RASGRF1: variants seen among roughly 807,000 people sequenced by gnomAD.
RASGRF1 encodes the protein ras-specific guanine nucleotide-releasing factor 1.
Under a neutral mutation model 138.7 loss-of-function variants are expected in RASGRF1, and 40 were observed. That is an observed-to-expected ratio of 0.29 (90% CI 0.22 to 0.38). The LOEUF (loss-of-function observed/expected upper bound fraction) is 0.38, where lower values mean the gene tolerates loss of function less well. Ranked by LOEUF, RASGRF1 falls within the 10% of genes least tolerant of loss-of-function variation. RASGRF1 has a pLI of 1.00. For synonymous variants in RASGRF1, 614 were observed against 663.2 expected (o/e 0.93, Z 1.14); for missense variants, 1,108 against 1,650.4 (o/e 0.67, Z 5.69).
chr15:79,077,284 T>C (rs2057845668), intron 1 of RASGRF1, among the ~76,000 whole-genome samples: 1 of 152,200 alleles, frequency 6.6e-6, no homozygotes, highest in African/African-American at 2.4e-5. Context: ...CCTTGGGGTC[T>C]TCAACACACC....
At chr15:79,018,016 A>C in intron 11 of RASGRF1, 110 bp from the exon 12 acceptor site, 1 of 1,324,302 alleles carries the variant, frequency 7.6e-7, no homozygotes, top group Non-Finnish European at 1.0e-6. Flanking sequence ...TGCGTTGGTA[A>C]GGCACCAGGC....
chr15:78,983,739 C>T (rs889145082), intron 23 of RASGRF1, among the ~76,000 whole-genome samples: 1 of 152,254 alleles, frequency 6.6e-6, no homozygotes, highest in Admixed American at 6.5e-5. Context: ...GAGTTCATGA[C>T]AGCATGTACC....
chr15:78,989,887 C>CA (rs1189383138), intron 22 of RASGRF1, among the ~76,000 whole-genome samples: 1 of 152,206 alleles, frequency 6.6e-6, no homozygotes, highest in Non-Finnish European at 1.5e-5. Flanking sequence ...GAGTAACCCC[C>CA]ACTTAGGAAT....
chr15:79,035,513 G>A (rs1473582487), intron 5 of RASGRF1, among the ~76,000 whole-genome samples: 1 of 152,246 alleles, frequency 6.6e-6, no homozygotes, highest in African/African-American at 2.4e-5. Context: ...CAGAGGGCAG[G>A]GAGCTGCTCT....
intron 19 of RASGRF1, 115 bp from the exon 20 acceptor site, chr15:78,995,915 C>A: frequency 1.0e-6 from 1 of 968,654 alleles, no homozygotes. Context: ...TCGTCATCCC[C>A]ATTGCCAGGA....
chr15:79,016,430 A>G (rs1433278652), intron 12 of RASGRF1, among the ~76,000 whole-genome samples: 1 of 152,218 alleles, frequency 6.6e-6, no homozygotes, highest in African/African-American at 2.4e-5. Context: ...CAAAACAAAG[A>G]AGACTTGGCC....
intron 24 of RASGRF1, among the ~76,000 whole-genome samples, chr15:78,976,161 G>A (rs568814795): frequency 2.0e-5 from 3 of 152,122 alleles, no homozygotes; most frequent in South Asian, 2.1e-4. Flanking sequence ...ACTGAGGGTC[G>A]ACTTCCCCTG....
chr15:79,009,956 CT>C (rs2056761004), intron 13 of RASGRF1, among the ~76,000 whole-genome samples: 1 of 151,760 alleles, frequency 6.6e-6, no homozygotes, highest in South Asian at 2.1e-4. Context: ...AACTCCTGAC[CT>C]TGTGATCTGC....
Position 79,058,376 on chromosome 15 carries a change from C to T in RASGRF1, c.489G>A (p.Gln163=), listed in dbSNP as rs1595948753. The T allele has an allele frequency of 6.2e-7, 1 of 1,614,036 alleles. No individual in the cohort carries two copies. The highest frequency in any genetic ancestry group is 1.7e-5 in the Admixed American group (1 of 60,010). The stretch of plus-strand genomic sequence containing the variant: ...CGATCTCGATCTCCCCATCCTCGAT[C>T]TGCTGCCGAAGCTGCTTGGCCACGG... The part of the protein sequence containing the change: ...EKTVAKQLRQ[Q]IEDGEIEIER... The change falls in exon 3 of 27, where the codon CAG becomes CAA. Residue 163 remains glutamine (Q), a synonymous_variant. Coordinates refer to ENST00000558480, the MANE Select transcript of RASGRF1 (RefSeq NM_001145648.3).
intron 13 of RASGRF1, among the ~76,000 whole-genome samples, chr15:79,012,692 C>T (rs1463129861): frequency 6.6e-6 from 1 of 151,856 alleles, no homozygotes; most frequent in African/African-American, 2.4e-5. Flanking sequence ...CGCACTCTCT[C>T]TTTTTTTTGA....
rs149567914 is a variant in RASGRF1, at chr15:79,070,321, C to T, written c.277-5795G>A. On this transcript the variant is annotated intron_variant, in intron 1 of 26. Coordinates refer to ENST00000558480, the MANE Select transcript of RASGRF1 (RefSeq NM_001145648.3). ...GCCCCTACCTGGGCAGCTCCCCTGA[C>T]GGGGACAGAGCATATAACTGGGAAA... Among the ~76,000 whole-genome samples, 300 of 152,264 alleles carry T rather than the reference C, an allele frequency of 2.0e-3. 1 individual carries two copies. Among genetic ancestry groups the T allele is most frequent in the Non-Finnish European group, 3.0e-3 (202 of 68,022 alleles).
At chr15:79,024,370 TACAC>T (rs968199031) in intron 10 of RASGRF1, among the ~76,000 whole-genome samples, 48 of 150,240 alleles carry the variant, frequency 3.2e-4, no homozygotes, top group Middle Eastern at 6.9e-3. Context: ...GGCAAACACA[TACAC>T]ACACTATACA....
At chr15:79,052,370 C>T (rs377380864) in intron 3 of RASGRF1, among the ~76,000 whole-genome samples, 31 of 152,298 alleles carry the variant, frequency 2.0e-4, no homozygotes, top group African/African-American at 7.5e-4. Flanking sequence ...TGCTGCATTG[C>T]TTGCTTTTCA....
chr15:78,974,891 T>C (rs953507230), intron 24 of RASGRF1, among the ~76,000 whole-genome samples: 2 of 152,256 alleles, frequency 1.3e-5, no homozygotes, highest in Admixed American at 6.5e-5. Context: ...ATTTCCTTCT[T>C]ATTTCTTTTT....
At chr15:78,965,878 A>G (rs1421640545) in intron 26 of RASGRF1, among the ~76,000 whole-genome samples, 1 of 152,160 alleles carries the variant, frequency 6.6e-6, no homozygotes, top group Non-Finnish European at 1.5e-5. Context: ...ATCTCATGTT[A>G]CAGTTGAGGC....
intron 1 of RASGRF1, among the ~76,000 whole-genome samples, chr15:79,068,484 TATATATATAC>T (rs910598999): frequency 9.3e-5 from 6 of 64,756 alleles, no homozygotes; most frequent in African/African-American, 5.0e-4. Context: ...TATATATATA[TATATATATAC>T]ACACACACAC....
Position 79,025,414 on chromosome 15 carries a change from G to T in RASGRF1, c.1442C>A (p.Ser481Tyr), listed in dbSNP as rs770390864. ...KGKITRGRLG[S>Y]LSLKKEGERQ... is the part of the protein sequence containing the mutation. The stretch of plus-strand genomic sequence containing the variant: ...CTCGCCCTCTTTCTTTAGGGAGAGA[G>T]ACCCCAGGCGCCCCCTGGTGATCTT... The change falls in exon 10 of 27, where the codon TCT (serine) becomes TAT (tyrosine). Residue 481 changes from serine (S) to tyrosine (Y), a missense_variant. By Grantham distance (144) the Ser-to-Tyr change is moderately radical. This residue lies in a region of RASGRF1 where 169 missense variants were observed against 344.2 expected (regional missense o/e 0.49). Transcript: ENST00000558480. 1.9e-6 allele frequency: 3 copies of T among 1,613,960 alleles called. No homozygotes were observed. Among genetic ancestry groups the T allele is most frequent in the Non-Finnish European group, 2.5e-6 (3 of 1,179,902 alleles).
At chr15:79,052,658 G>A (rs2057448703) in intron 3 of RASGRF1, among the ~76,000 whole-genome samples, 1 of 152,230 alleles carries the variant, frequency 6.6e-6, no homozygotes, top group South Asian at 2.1e-4. Flanking sequence ...CCTTGGCCAG[G>A]AAGTGGCAAG....
At chr15:79,063,734 T>C (rs1374567021) in intron 2 of RASGRF1, among the ~76,000 whole-genome samples, 1 of 152,198 alleles carries the variant, frequency 6.6e-6, no homozygotes, top group East Asian at 1.9e-4. Context: ...GAAACGTAAG[T>C]CTGGGTGCTG....
Sources: gnomAD v4.1 joint callset for allele counts (sites outside exome capture counted in the v4.1 genomes callset) on GRCh38, gnomAD v4.1.1 for gene constraint, gnomAD v4.1.1 regional missense constraint, MANE v1.5 for transcripts, NCBI Gene and HGNC (gene_info 2026-07-23, HGNC 2026-07-21) for gene names.